The following KIF13A variants were observed in gnomAD, a reference collection of about 807,000 sequenced individuals.
KIF13A encodes the protein kinesin family member 13A, also known as kinesin-like protein KIF13A.
KIF13A carries 79 observed loss-of-function variants against 212.2 expected under a neutral mutation model. That is an observed-to-expected ratio of 0.37 (90% CI 0.31 to 0.45). The LOEUF is 0.45. Ranked by LOEUF, KIF13A falls within the 20% of genes least tolerant of loss-of-function variation. The pLI, the probability that KIF13A is intolerant of heterozygous loss-of-function variation, is 1.00. For missense variants in KIF13A, 1,901 were observed against 2,209.0 expected (o/e 0.86, Z 2.79); for synonymous variants, 789 against 808.6 (o/e 0.98, Z 0.41).
At chr6:17,928,123 T>C (rs1775654691) in intron 2 of KIF13A, among the ~76,000 whole-genome samples, 1 of 152,146 alleles carries the variant, frequency 6.6e-6, no homozygotes, top group African/African-American at 2.4e-5. Flanking sequence ...CTGGTTTAAG[T>C]ATGGAAAAAT....
chr6:17,890,184 G>A (rs1399640302), intron 3 of KIF13A, among the ~76,000 whole-genome samples: 2 of 74,916 alleles, frequency 2.7e-5, no homozygotes, highest in Non-Finnish European at 5.6e-5. Flanking sequence ...GTGAAACTTC[G>A]TCTCAAAAAA....
At chr6:17,796,526 C>T (rs1356205055) in intron 23 of KIF13A, 143 bp downstream of exon 23, 1 of 501,622 alleles carries the variant, frequency 2.0e-6, no homozygotes, top group African/African-American at 2.0e-5. Context: ...AGGCATGAGC[C>T]ACCGCACCTG....
chr6:17,795,167 T>A (rs1388735841), intron 23 of KIF13A: 1 of 155,046 alleles, frequency 6.4e-6, no homozygotes, highest in Non-Finnish European at 1.4e-5. Context: ...TATAAACAGT[T>A]TTTTTCTTTT....
intron 2 of KIF13A, among the ~76,000 whole-genome samples, chr6:17,972,073 C>T (rs572242383): frequency 6.6e-5 from 10 of 152,262 alleles, no homozygotes; most frequent in Non-Finnish European, 8.8e-5. Flanking sequence ...AAACTTAAAG[C>T]GATATTACCA....
At chr6:17,875,080 T>C (rs1403375533) in intron 3 of KIF13A, among the ~76,000 whole-genome samples, 2 of 151,768 alleles carry the variant, frequency 1.3e-5, no homozygotes, top group East Asian at 3.9e-4. Context: ...GGTTCCACGA[T>C]TTTGCGATTG....
At chr6:17,910,670 C>CA (rs1296525567) in intron 2 of KIF13A, among the ~76,000 whole-genome samples, 2 of 152,204 alleles carry the variant, frequency 1.3e-5, no homozygotes, top group Non-Finnish European at 1.5e-5. Flanking sequence ...AACTTTATAA[C>CA]AGAAGCAATA....
Position 17,967,712 on chromosome 6 carries a change from C to T in KIF13A, c.146+19342G>A, listed in dbSNP as rs546909827. Among the ~76,000 whole-genome samples the T allele has an allele frequency of 2.0e-3, 308 of 152,270 alleles. 1 individual carries two copies. The highest frequency in any genetic ancestry group is 7.1e-3 in the African/African-American group (295 of 41,560). ...TGCAGTGTTAGGTTTCCTCCTGCTC[C>T]CAACTGCCCAGCCACTGAGCCATCT... On this transcript the variant is annotated intron_variant, in intron 2 of 38. Coordinates refer to ENST00000259711, the MANE Select transcript of KIF13A (RefSeq NM_022113.6). This position sits in a 1 kb window ranked among gnomAD's most constrained non-coding sequence, Gnocchi z 4.1.
chr6:17,884,959 A>G (rs990310021), intron 3 of KIF13A, among the ~76,000 whole-genome samples: 4 of 152,220 alleles, frequency 2.6e-5, no homozygotes, highest in Non-Finnish European at 5.9e-5. Flanking sequence ...CGACACTTCA[A>G]ATGTGTTCAC....
chr6:17,836,980 C>A lies in KIF13A; in HGVS notation c.1053G>T (p.Arg351Ser). The part of the protein sequence containing the change: ...STLRYADRAK[R>S]IVNHAVVNED... The stretch of plus-strand genomic sequence containing the variant: ...CATTCACAACAGCATGGTTCACAAT[C>A]CTTTTGGCTCGGTCTGCATATCTTA... The change falls in exon 11 of 39, where the codon AGG becomes AGT. Residue 351 changes from arginine (R) to serine (S), a missense_variant. By Grantham distance (110) the Arg-to-Ser change is moderately radical. Around this residue, in one of 5 missense-constraint regions of KIF13A, gnomAD observed 506 missense variants for 637.4 expected, o/e 0.79. Coordinates refer to ENST00000259711, the MANE Select transcript of KIF13A (RefSeq NM_022113.6). 6.2e-7 allele frequency: 1 copy of A among 1,613,926 alleles called. No homozygotes were observed. Among genetic ancestry groups the A allele is most frequent in the Middle Eastern group, 1.6e-4 (1 of 6,062 alleles).
chr6:17,928,913 C>T (rs1330738874), intron 2 of KIF13A, among the ~76,000 whole-genome samples: 1 of 151,356 alleles, frequency 6.6e-6, no homozygotes, highest in Non-Finnish European at 1.5e-5. Flanking sequence ...TGTATATTTC[C>T]ATTATATAAT....
At chr6:17,861,118 G>C (rs1768731717) in intron 4 of KIF13A, among the ~76,000 whole-genome samples, 1 of 151,934 alleles carries the variant, frequency 6.6e-6, no homozygotes, top group Admixed American at 6.6e-5. Flanking sequence ...ATCATATTTA[G>C]TAAAGTTTTA....
At chr6:17,972,394 C>T (rs373068030) in intron 2 of KIF13A, among the ~76,000 whole-genome samples, 58 of 152,252 alleles carry the variant, frequency 3.8e-4, no homozygotes, top group African/African-American at 1.4e-3. Context: ...ATTTAAAAAC[C>T]TTACAAAGGT....
rs74330273 is a variant in KIF13A at position 17,792,491 on chromosome 6, A to G, written c.3222+1758T>C. 8.0e-3 allele frequency among the ~76,000 whole-genome samples: 1,216 copies of G among 152,314 alleles called. 20 individuals are homozygous for G. The highest frequency in any genetic ancestry group is 0.028 in the African/African-American group (1,175 of 41,570). On this transcript the variant is annotated intron_variant, in intron 25 of 38. Coordinates refer to ENST00000259711, the MANE Select transcript of KIF13A (RefSeq NM_022113.6). ...AAAGCTCAACTAGACTTAAGAACCCAGGTTTCCTGACTCCCAGTCTAGTGT... is the reference window on the plus strand; with the variant it reads ...AAAGCTCAACTAGACTTAAGAACCCGGGTTTCCTGACTCCCAGTCTAGTGT...
chr6:17,811,751 A>G lies in KIF13A; in HGVS notation c.2001-2821T>C, dbSNP rs774453941. Among the ~76,000 whole-genome samples, 30 of 152,228 alleles carry G rather than the reference A, an allele frequency of 2.0e-4. No individual in the cohort carries two copies. Among genetic ancestry groups the G allele is most frequent in the Non-Finnish European group, 3.4e-4 (23 of 68,028 alleles). ...TGAAACCTGACAAAATCAATAATGC[A>G]ACTATTCTTGTCTTTGAATGACATT... On this transcript the variant is annotated intron_variant, in intron 17 of 38. Coordinates refer to ENST00000259711, the MANE Select transcript of KIF13A (RefSeq NM_022113.6). The surrounding 1 kb of genome is among the most constrained non-coding windows in gnomAD (Gnocchi z 6.0).
rs72839117 is a variant in KIF13A at position 17,872,578 on chromosome 6, A to G, written c.220+799T>C. Among the ~76,000 whole-genome samples, 177 of 152,368 alleles carry G rather than the reference A, an allele frequency of 1.2e-3. No individual in the cohort carries two copies. Among genetic ancestry groups the G allele is most frequent in the Admixed American group, 4.2e-3 (64 of 15,304 alleles). On this transcript the variant is annotated intron_variant, in intron 4 of 38. Transcript: ENST00000259711. The surrounding 1 kb of genome is among the most constrained non-coding windows in gnomAD (Gnocchi z 4.7). ...AATTTAGCCATTCCATAATATATACATATTTCAAAACATCACACTGTACAT... is the reference window on the plus strand; with the variant it reads ...AATTTAGCCATTCCATAATATATACGTATTTCAAAACATCACACTGTACAT...
At chr6:17,815,438 C>T (rs529278996) in intron 17 of KIF13A, 1 of 166,748 alleles carries the variant, frequency 6.0e-6, no homozygotes, top group Non-Finnish European at 1.3e-5. Context: ...TAGTGCCTTC[C>T]CCAGGCACTG....
chr6:17,986,522 A>G (rs1781564873), intron 2 of KIF13A, among the ~76,000 whole-genome samples: 1 of 152,260 alleles, frequency 6.6e-6, no homozygotes, highest in African/African-American at 2.4e-5. Context: ...CTCAGCAACA[A>G]CAACTAAAAT....
rs1323168082 is a variant in KIF13A, at chr6:17,888,119, A to G, written c.159+10049T>C. 3.3e-5 allele frequency among the ~76,000 whole-genome samples: 5 copies of G among 152,150 alleles called. No individual in the cohort carries two copies. Among genetic ancestry groups the G allele is most frequent in the African/African-American group, 1.2e-4 (5 of 41,420 alleles). ...AGCCTTCTTCCTCAGAAGACACAAG[A>G]CACAAAGTACTGAAGTAGTGAATGA... On this transcript the variant is annotated intron_variant, in intron 3 of 38. Coordinates refer to ENST00000259711, the MANE Select transcript of KIF13A (RefSeq NM_022113.6). This position sits in a 1 kb window ranked among gnomAD's most constrained non-coding sequence, Gnocchi z 4.8.
Position 17,768,007 on chromosome 6 carries a change from A to G in KIF13A, c.4582-3061T>C, listed in dbSNP as rs1759165041. 6.6e-6 allele frequency among the ~76,000 whole-genome samples: 1 copy of G among 152,228 alleles called. No homozygotes were observed. Among genetic ancestry groups the G allele is most frequent in the Non-Finnish European group, 1.5e-5 (1 of 68,036 alleles). ...CAAAAGCCCAGAGGGAAAGACTAAA[A>G]CAGTAGGGACAGCTTATTCCAGAAA... On this transcript the variant is annotated intron_variant, in intron 38 of 38. Coordinates refer to ENST00000259711, the MANE Select transcript of KIF13A (RefSeq NM_022113.6). This position sits in a 1 kb window ranked among gnomAD's most constrained non-coding sequence, Gnocchi z 5.4.
Sources: gnomAD v4.1 joint callset for allele counts (sites outside exome capture counted in the v4.1 genomes callset) on GRCh38, gnomAD v4.1.1 for gene constraint, gnomAD v4.1.1 regional missense constraint, Gnocchi (gnomAD v3.1) non-coding constraint, MANE v1.5 for transcripts, NCBI Gene and HGNC (gene_info 2026-07-23, HGNC 2026-07-21) for gene names.